The following NUP153 variants were observed in gnomAD, a reference collection of about 807,000 sequenced individuals.
The protein encoded by NUP153 is nuclear pore complex protein Nup153.
In NUP153, 27 loss-of-function variants were observed where a neutral mutation model predicts 134.6. The ratio of observed to expected loss-of-function variants is 0.20; its 90% CI spans 0.15 to 0.28. The LOEUF (loss-of-function observed/expected upper bound fraction) is 0.28. Ranked by LOEUF, NUP153 falls within the 10% of genes least tolerant of loss-of-function variation. NUP153 has a pLI of 1.00. For missense variants in NUP153, 1,821 were observed against 1,731.3 expected, an observed-to-expected ratio of 1.05 and a Z score of -0.92; for synonymous variants, 640 against 623.5, an observed-to-expected ratio of 1.03 and a Z score of -0.40.
chr6:17,671,369 G>A (rs1767898987), intron 5 of NUP153, among the ~76,000 whole-genome samples: 1 of 152,132 alleles, frequency 6.6e-6, no homozygotes. Context: ...AAGAGTTTGT[G>A]TAGAATTGGT....
rs1057238962 is a variant in NUP153, at chr6:17,652,978, G to C, written c.1396-3678C>G. On this transcript the variant is annotated intron_variant, in intron 11 of 21. Transcript: ENST00000262077. ...CACGAGGCGGAGGTTGCAGTGAGCTGAGACCACGCCATTGTACTCCAGCCT... is the reference window on the plus strand; with the variant it reads ...CACGAGGCGGAGGTTGCAGTGAGCTCAGACCACGCCATTGTACTCCAGCCT... 2.6e-5 allele frequency among the ~76,000 whole-genome samples: 4 copies of C among 152,176 alleles called. No individual in the cohort carries two copies. The South Asian group carries it at 8.3e-4, about 32-fold the overall frequency.
At chr6:17,701,458 T>C (rs899122648) in intron 1 of NUP153, among the ~76,000 whole-genome samples, 2 of 151,484 alleles carry the variant, frequency 1.3e-5, no homozygotes, top group Non-Finnish European at 2.9e-5. Flanking sequence ...AGTCAGGAGT[T>C]CAAGAACAGC....
chr6:17,657,534 G>C (rs1045566976), intron 11 of NUP153, among the ~76,000 whole-genome samples: 2 of 151,992 alleles, frequency 1.3e-5, no homozygotes, highest in African/African-American at 2.4e-5. Flanking sequence ...CTCCAGCCTG[G>C]GCAACAAATA....
chr6:17,697,671 G>A (rs1265840629), intron 1 of NUP153, among the ~76,000 whole-genome samples: 1 of 152,080 alleles, frequency 6.6e-6, no homozygotes, highest in African/African-American at 2.4e-5. Flanking sequence ...CTGGGCGACT[G>A]AGCGAGACTC....
At chr6:17,621,341 A>G (rs1764633584) in intron 20 of NUP153, among the ~76,000 whole-genome samples, 2 of 152,204 alleles carry the variant, frequency 1.3e-5, no homozygotes, top group South Asian at 4.1e-4. Context: ...TGATCCAGCA[A>G]TCCCACTACT....
At chr6:17,679,845 T>C (rs1292629067) in intron 2 of NUP153, among the ~76,000 whole-genome samples, 1 of 152,150 alleles carries the variant, frequency 6.6e-6, no homozygotes. Flanking sequence ...ATTCCAGGAA[T>C]TGCTCTTAGG....
At chr6:17,655,615 G>A (rs891458538) in intron 11 of NUP153, among the ~76,000 whole-genome samples, 3 of 151,568 alleles carry the variant, frequency 2.0e-5, no homozygotes, top group Non-Finnish European at 4.4e-5. Flanking sequence ...CATCACACCC[G>A]GCTAATTTTT....
chr6:17,637,707 T>C lies in NUP153; in HGVS notation c.1910A>G (p.Tyr637Cys). 6.2e-7 allele frequency: 1 copy of C among 1,609,530 alleles called. No individual in the cohort carries two copies. Among genetic ancestry groups the C allele is most frequent in the South Asian group, 1.1e-5 (1 of 91,086 alleles). Residue 637 changes from tyrosine to cysteine, a missense_variant, in exon 16 of 22, where the codon TAT becomes TGT. Coordinates refer to ENST00000262077, the MANE Select transcript of NUP153 (RefSeq NM_005124.4). Reference sequence around the variant, plus strand: ...AAAGCTACTTATTGCTGGTCTTGTATAAACTACTGGGCTTGTTGCGGTGGG... The same window carrying C: ...AAAGCTACTTATTGCTGGTCTTGTACAAACTACTGGGCTTGTTGCGGTGGG... Reference protein sequence around the residue: ...AQPTATSPVVYTRPAISSFSS... With the variant: ...AQPTATSPVVCTRPAISSFSS...
At chr6:17,705,643 T>C (rs1397715761) in intron 1 of NUP153, among the ~76,000 whole-genome samples, 1 of 151,572 alleles carries the variant, frequency 6.6e-6, no homozygotes, top group Non-Finnish European at 1.5e-5. Context: ...AGAGGGACTT[T>C]CAAAATGCCC....
At chr6:17,688,290 T>C (rs1769063753) in intron 2 of NUP153, 106 bp downstream of exon 2, 1 of 742,320 alleles carries the variant, frequency 1.3e-6, no homozygotes, top group South Asian at 1.8e-5. Flanking sequence ...CCTCTTCCCA[T>C]ATGGTTTATG....
At position 17,645,243 on chromosome 6, in the gene NUP153, A is replaced by C. The variant is rs1358504191; in HGVS notation, c.1720+824T>G. Among the ~76,000 whole-genome samples, 8 of 115,504 alleles carry C rather than the reference A, an allele frequency of 6.9e-5. No individual in the cohort carries two copies. In the East Asian group the frequency reaches 1.7e-3, roughly 25 times the overall value. 75.8% of individuals were successfully genotyped at this position (115,504 alleles called of 152,430 possible). On this transcript the variant is annotated intron_variant, in intron 14 of 21. Transcript: ENST00000262077. The stretch of plus-strand genomic sequence containing the variant: ...GGGCAACAGAGCGAGACTCTGTCTC[A>C]AAAAAAAAAAAAAAAAAGAATTCTA...
intron 11 of NUP153, chr6:17,651,935 A>G (rs1388585157): frequency 2.4e-5 from 15 of 617,010 alleles, no homozygotes; most frequent in Non-Finnish European, 4.6e-5. Flanking sequence ...CTCTACAAAT[A>G]ATTTTAAAAA....
In NUP153 at chr6:17,616,120, T is replaced by A; in HGVS notation, c.4405A>T (p.Thr1469Ser). The change falls in exon 22 of 22, where the codon ACT becomes TCT. Residue 1469 changes from threonine to serine, a missense_variant. Thr to Ser is a moderately conservative substitution (Grantham distance 58). Coordinates refer to ENST00000262077, the MANE Select transcript of NUP153 (RefSeq NM_005124.4). ...GTSFSGRKIKTAVRRRK is the reference protein window; with the variant it reads ...GTSFSGRKIKSAVRRRK ...CTTTATTTCCTGCGTCTAACAGCAG[T>A]CTTTATCTTGCGACCAGAGAATGAA... 3.1e-6 allele frequency: 5 copies of A among 1,613,482 alleles called. No homozygotes were observed. Among genetic ancestry groups the A allele is most frequent in the Non-Finnish European group, 3.4e-6 (4 of 1,179,442 alleles).
At chr6:17,694,598 A>C (rs1769513998) in intron 1 of NUP153, among the ~76,000 whole-genome samples, 1 of 152,122 alleles carries the variant, frequency 6.6e-6, no homozygotes, top group Non-Finnish European at 1.5e-5. Context: ...CGGAGGTTGC[A>C]GTGAGCCAAG....
At chr6:17,643,154 T>C (rs1765942572) in intron 14 of NUP153, among the ~76,000 whole-genome samples, 1 of 152,180 alleles carries the variant, frequency 6.6e-6, no homozygotes, top group East Asian at 1.9e-4. Context: ...TTAAAATGGC[T>C]GTATCATGTC....
At chr6:17,700,035 T>C (rs1769947854) in intron 1 of NUP153, among the ~76,000 whole-genome samples, 1 of 152,120 alleles carries the variant, frequency 6.6e-6, no homozygotes, top group African/African-American at 2.4e-5. Context: ...AACACCTACT[T>C]TGCATTAAAC....
At chr6:17,657,003 A>ATCTGCCATCTTG in intron 11 of NUP153, among the ~76,000 whole-genome samples, 1 of 152,292 alleles carries the variant, frequency 6.6e-6, no homozygotes, top group African/African-American at 2.4e-5. Context: ...GCTGTTTCTT[A>ATCTGCCATCTTG]TCTGCCATCT....
intron 1 of NUP153, among the ~76,000 whole-genome samples, chr6:17,700,168 A>G (rs1769957104): frequency 6.6e-6 from 1 of 152,164 alleles, no homozygotes; most frequent in African/African-American, 2.4e-5. Context: ...AGTAATAATA[A>G]AACTGTGGTC....
At chr6:17,677,115 T>C (rs560312888) in intron 2 of NUP153, among the ~76,000 whole-genome samples, 1 of 152,156 alleles carries the variant, frequency 6.6e-6, no homozygotes, top group Non-Finnish European at 1.5e-5. Flanking sequence ...AAATAAGACC[T>C]ACTACAGATC....
Sources: gnomAD v4.1 joint callset for allele counts (sites outside exome capture counted in the v4.1 genomes callset) on GRCh38, gnomAD v4.1.1 for gene constraint, MANE v1.5 for transcripts, NCBI Gene and HGNC (gene_info 2026-07-23, HGNC 2026-07-21) for gene names.